CCDC149: variants seen among roughly 807,000 people sequenced by gnomAD.
CCDC149 encodes the protein coiled-coil domain-containing protein 149.
Under a neutral mutation model 59.9 loss-of-function variants are expected in CCDC149, and 45 were observed. The ratio of observed to expected loss-of-function variants is 0.75; its 90% CI spans 0.59 to 0.96. The LOEUF is 0.96. CCDC149 is among the 40% of genes least tolerant of loss of function. CCDC149 has a pLI of 0.00. For missense variants in CCDC149, 584 were observed against 664.7 expected, an observed-to-expected ratio of 0.88 and a Z score of 1.33; for synonymous variants, 245 against 260.6, an observed-to-expected ratio of 0.94 and a Z score of 0.58.
At chr4:24,906,415 A>ATTTTATTTATTTTATTTTATTTTC (rs1207373356) in intron 1 of CCDC149, among the ~76,000 whole-genome samples, 1 of 126,508 alleles carries the variant, frequency 7.9e-6, no homozygotes, top group Admixed American at 7.4e-5. Flanking sequence ...ATTTTACTTT[A>ATTTTATTTATTTTATTTTATTTTC]TTTGAGACAG....
intron 12 of CCDC149, among the ~76,000 whole-genome samples, chr4:24,815,670 AT>A (rs1368503043): frequency 6.6e-6 from 1 of 152,044 alleles, no homozygotes. Flanking sequence ...CTCTACCTTA[AT>A]TTACACCTCA....
At chr4:24,912,064 C>G (rs920767030) in intron 1 of CCDC149, among the ~76,000 whole-genome samples, 1 of 152,166 alleles carries the variant, frequency 6.6e-6, no homozygotes, top group Non-Finnish European at 1.5e-5. Flanking sequence ...TTCCCTCTCA[C>G]CTGGAGAGGC....
At chr4:24,813,057 T>C (rs536087336) in intron 12 of CCDC149, among the ~76,000 whole-genome samples, 19 of 152,282 alleles carry the variant, frequency 1.2e-4, no homozygotes, top group African/African-American at 3.6e-4. Flanking sequence ...GTGATGGTAT[T>C]TGGAGGTGAG....
intron 4 of CCDC149, among the ~76,000 whole-genome samples, chr4:24,844,180 T>C (rs1322968924): frequency 6.6e-6 from 1 of 152,134 alleles, no homozygotes; most frequent in Non-Finnish European, 1.5e-5. Flanking sequence ...TTCATCTGCT[T>C]GTGTCTACCC....
intron 1 of CCDC149, among the ~76,000 whole-genome samples, chr4:24,938,562 C>A (rs1049211673): frequency 2.0e-5 from 3 of 152,294 alleles, no homozygotes; most frequent in Non-Finnish European, 2.9e-5. Context: ...ACAGGGGGTG[C>A]AGTGCACTGG....
At chr4:24,952,607 A>G (rs1481001169) in intron 1 of CCDC149, among the ~76,000 whole-genome samples, 6 of 32,226 alleles carry the variant, frequency 1.9e-4, no homozygotes, top group South Asian at 1.3e-3. Flanking sequence ...AAAAAAAAAA[A>G]AAAAAAAAAA....
chr4:24,952,610 AAAAAAAAAAAAAAAAAATATATATATAT>A (rs1723330157), intron 1 of CCDC149, among the ~76,000 whole-genome samples: 3 of 35,472 alleles, frequency 8.5e-5, no homozygotes, highest in Non-Finnish European at 1.6e-4. Flanking sequence ...AAAAAAAAAA[AAAAAAAAAAAAAAAAAATATATATATAT>A]ATATATATAT....
At position 24,819,898 on chromosome 4, in the gene CCDC149, C is replaced by T. The variant is rs1450849190; in HGVS notation, c.1153G>A (p.Val385Ile). Residue 385 changes from valine (V) to isoleucine (I), a missense_variant, in exon 12 of 13, where the codon GTC becomes ATC. Coordinates refer to ENST00000635206, the MANE Select transcript of CCDC149 (RefSeq NM_001330643.2). Reference sequence around the variant, plus strand: ...GCTTTGTTCTCAGTGGGCTGCTCGACAAACTTCAGCAGTGGGGATCTCGAC... The same window carrying T: ...GCTTTGTTCTCAGTGGGCTGCTCGATAAACTTCAGCAGTGGGGATCTCGAC... The T allele has an allele frequency of 6.4e-7, 1 of 1,551,710 alleles. No individual in the cohort carries two copies. The highest frequency in any genetic ancestry group is 1.4e-5 in the African/African-American group (1 of 73,168).
At chr4:24,849,410 G>A (rs749299740) in intron 4 of CCDC149, among the ~76,000 whole-genome samples, 1 of 152,176 alleles carries the variant, frequency 6.6e-6, no homozygotes, top group Non-Finnish European at 1.5e-5. Flanking sequence ...GGTTTGGCTT[G>A]GAAGTTTGTG....
intron 1 of CCDC149, among the ~76,000 whole-genome samples, chr4:24,972,464 C>T (rs188955592): frequency 7.2e-5 from 11 of 152,180 alleles, no homozygotes; most frequent in East Asian, 1.9e-4. Context: ...CGCACTACCA[C>T]GCCCAGATAA....
chr4:24,946,178 TTTC>T (rs1723105404), intron 1 of CCDC149, among the ~76,000 whole-genome samples: 1 of 152,200 alleles, frequency 6.6e-6, no homozygotes. Context: ...ACATACAGCA[TTTC>T]TTCTTCCCAG....
At chr4:24,974,343 G>A (rs1431902995) in intron 1 of CCDC149, among the ~76,000 whole-genome samples, 1 of 152,216 alleles carries the variant, frequency 6.6e-6, no homozygotes, top group Non-Finnish European at 1.5e-5. Context: ...GAATTCTGCA[G>A]AGGAAACCCA....
intron 1 of CCDC149, among the ~76,000 whole-genome samples, chr4:24,902,354 T>G (rs1314274575): frequency 6.6e-6 from 1 of 152,142 alleles, no homozygotes; most frequent in Non-Finnish European, 1.5e-5. Context: ...CAATTTGTAC[T>G]CCAGTTAAAA....
At chr4:24,937,005 T>G (rs1722803603) in intron 1 of CCDC149, among the ~76,000 whole-genome samples, 1 of 152,230 alleles carries the variant, frequency 6.6e-6, no homozygotes. Flanking sequence ...TGCCCATGGC[T>G]GAAGAATGGT....
At chr4:24,825,111 C>A (rs891410906) in intron 9 of CCDC149, among the ~76,000 whole-genome samples, 1 of 152,024 alleles carries the variant, frequency 6.6e-6, no homozygotes, top group African/African-American at 2.4e-5. Flanking sequence ...TTAGTTTGAC[C>A]AATTCAACAA....
In CCDC149 at chr4:24,824,445, T is replaced by C. The variant is rs577021911; in HGVS notation, c.966-1872A>G. ...TTAACACAAACAGTCAACTAATCTT[T>C]CCGGAGTCCGTAATACACATCAGAG... On this transcript the variant is annotated intron_variant, in intron 9 of 12. Coordinates refer to ENST00000635206, the MANE Select transcript of CCDC149 (RefSeq NM_001330643.2). Among the ~76,000 whole-genome samples the C allele has an allele frequency of 8.0e-4, 122 of 152,314 alleles. 1 individual carries two copies. The highest frequency in any genetic ancestry group is 1.5e-3 in the Non-Finnish European group (100 of 68,034).
chr4:24,820,945 G>T, intron 11 of CCDC149, 110 bp downstream of exon 11: 1 of 526,952 alleles, frequency 1.9e-6, no homozygotes, highest in Non-Finnish European at 2.9e-6. Flanking sequence ...ATTCTAATCA[G>T]AGAAGTTCAA....
At chr4:24,935,595 A>C (rs1395907163) in intron 1 of CCDC149, among the ~76,000 whole-genome samples, 1 of 152,186 alleles carries the variant, frequency 6.6e-6, no homozygotes, top group Non-Finnish European at 1.5e-5. Context: ...TGCCCCTTCC[A>C]TCACGTGAGG....
rs1454674392 is a variant in CCDC149, at chr4:24,853,068, G to GT, written c.372+3dup. On this transcript the variant is annotated splice_donor_region_variant and intron_variant, in intron 4 of 12. Transcript: ENST00000635206. ...AGCTTCTTCCCTGTAAATACTCACAGTACCTTGTTGTCGCCCTGGACTTCT... is the reference window on the plus strand; with the variant it reads ...AGCTTCTTCCCTGTAAATACTCACAGTTACCTTGTTGTCGCCCTGGACTTCT... 1.3e-6 allele frequency: 2 copies of GT among 1,586,320 alleles called. No homozygotes were observed. The highest frequency in any genetic ancestry group is 8.7e-7 in the Non-Finnish European group (1 of 1,154,906).
Sources: allele counts gnomAD v4.1 joint callset (sites outside exome capture counted in the v4.1 genomes callset), GRCh38; gene constraint gnomAD v4.1.1; transcripts MANE v1.5; gene names NCBI Gene and HGNC (gene_info 2026-07-23, HGNC 2026-07-21).